The following TIAM1 variants were observed in gnomAD, a reference collection of about 807,000 sequenced individuals.
TIAM1 encodes rho guanine nucleotide exchange factor TIAM1.
In TIAM1, 65 loss-of-function variants were observed where a neutral mutation model predicts 163.5. The ratio of observed to expected loss-of-function variants is 0.40; its 90% CI spans 0.33 to 0.49. TIAM1 has a LOEUF of 0.49. Ranked by LOEUF, TIAM1 falls within the 20% of genes least tolerant of loss-of-function variation. The pLI is 0.77. For missense variants in TIAM1, 1,789 were observed against 2,044.7 expected (o/e 0.87, Z 2.41); for synonymous variants, 833 against 810.1 (o/e 1.03, Z -0.48).
At chr21:31,244,967 A>T (rs56133824) in intron 6 of TIAM1, among the ~76,000 whole-genome samples, 2,080 of 152,208 alleles carry the variant, frequency 0.014, 30 homozygotes, top group African/African-American at 0.038. Flanking sequence ...TATTTTTTTT[A>T]AAAAATGTTG....
intron 2 of TIAM1, among the ~76,000 whole-genome samples, chr21:31,442,070 A>AT (rs2044441960): frequency 5.6e-5 from 3 of 53,230 alleles, no homozygotes; most frequent in East Asian, 6.1e-4. Flanking sequence ...CAAATAAATA[A>AT]ATATATATAT....
chr21:31,325,027 C>G (rs1263510070), intron 2 of TIAM1, among the ~76,000 whole-genome samples: 1 of 152,004 alleles, frequency 6.6e-6, no homozygotes, highest in Non-Finnish European at 1.5e-5. Flanking sequence ...CACCTGTAAT[C>G]CCAGCACTTT....
chr21:31,367,153 G>A lies in TIAM1; in HGVS notation c.-368-27731C>T, dbSNP rs574695851. 9.9e-5 allele frequency among the ~76,000 whole-genome samples: 15 copies of A among 150,914 alleles called. 1 individual carries two copies. In the South Asian group the frequency reaches 2.9e-3, roughly 30 times the overall value. On this transcript the variant is annotated intron_variant, in intron 2 of 28. Coordinates refer to the TIAM1 transcript ENST00000286827. ...GAGAAGGAAGGAGGGAGGGAGGGAG[G>A]GAGAGAGGAAAGGAGGAAGTGAAGA... is the stretch of plus-strand genomic sequence containing the variant.
chr21:31,521,745 A>ACACACACACACACACAC (rs2047595411), intron 1 of TIAM1, among the ~76,000 whole-genome samples: 2 of 146,862 alleles, frequency 1.4e-5, no homozygotes, highest in South Asian at 2.2e-4. Flanking sequence ...CTCACACACA[A>ACACACACACACACACAC]ACACACACAC....
At chr21:31,209,442 A>G (rs1308159005) in intron 11 of TIAM1, among the ~76,000 whole-genome samples, 1 of 152,230 alleles carries the variant, frequency 6.6e-6, no homozygotes, top group Non-Finnish European at 1.5e-5. Flanking sequence ...GTGAAAGAGA[A>G]AAGGAGCTCA....
At chr21:31,144,598 C>T (rs977346149) in intron 20 of TIAM1, among the ~76,000 whole-genome samples, 2 of 152,016 alleles carry the variant, frequency 1.3e-5, no homozygotes, top group South Asian at 4.1e-4. Context: ...GAAGCCAAGG[C>T]GGGCAGATCA....
intron 10 of TIAM1, 91 bp from the exon 11 acceptor site, chr21:31,210,306 A>G: frequency 2.2e-6 from 3 of 1,390,106 alleles, no homozygotes; most frequent in Non-Finnish European, 3.0e-6. Flanking sequence ...ACCGATTCCC[A>G]TGAAAACAGC....
chr21:31,392,262 T>C (rs865819684), intron 2 of TIAM1, among the ~76,000 whole-genome samples: 1 of 152,160 alleles, frequency 6.6e-6, no homozygotes, highest in Non-Finnish European at 1.5e-5. Flanking sequence ...CTTGGTATTG[T>C]CTGCCTTGTT....
intron 23 of TIAM1, among the ~76,000 whole-genome samples, chr21:31,132,062 A>C (rs1666530070): frequency 6.6e-6 from 1 of 152,210 alleles, no homozygotes; most frequent in South Asian, 2.1e-4. Context: ...ACCCCAAGGA[A>C]TAGCCCAGTC....
At chr21:31,242,610 T>C (rs1048219804) in intron 6 of TIAM1, among the ~76,000 whole-genome samples, 2 of 152,162 alleles carry the variant, frequency 1.3e-5, no homozygotes, top group Non-Finnish European at 2.9e-5. Context: ...AGGAAACTTA[T>C]TGCTTCTGTA....
chr21:31,519,665 C>T (rs1482077490), intron 1 of TIAM1, among the ~76,000 whole-genome samples: 1 of 152,092 alleles, frequency 6.6e-6, no homozygotes, highest in Non-Finnish European at 1.5e-5. Flanking sequence ...CGTGCTTTGA[C>T]GCATGAACAG....
intron 4 of TIAM1, among the ~76,000 whole-genome samples, chr21:31,256,695 C>T (rs2072130018): frequency 1.3e-5 from 2 of 151,330 alleles, no homozygotes; most frequent in Admixed American, 6.6e-5. Context: ...TTGATAATCT[C>T]AGTACAGCAA....
At chr21:31,248,029 GGACAGAGCCTA>G (rs2071598493) in intron 5 of TIAM1, among the ~76,000 whole-genome samples, 1 of 152,148 alleles carries the variant, frequency 6.6e-6, no homozygotes, top group Non-Finnish European at 1.5e-5. Flanking sequence ...GGCATCTAGA[GGACAGAGCCTA>G]AAGAAGCTGT....
intron 9 of TIAM1, among the ~76,000 whole-genome samples, chr21:31,217,113 A>G (rs1056774563): frequency 3.3e-5 from 5 of 152,104 alleles, no homozygotes; most frequent in Admixed American, 3.3e-4. Flanking sequence ...AGGCTGAGGC[A>G]GAAGAATCAC....
chr21:31,391,120 G>A (rs546934272), intron 2 of TIAM1, among the ~76,000 whole-genome samples: 4 of 151,934 alleles, frequency 2.6e-5, no homozygotes, highest in Non-Finnish European at 2.9e-5. Flanking sequence ...TGCACTCATA[G>A]GCCCGAGGGC....
At chr21:31,137,594 T>C (rs1261430741) in intron 22 of TIAM1, among the ~76,000 whole-genome samples, 1 of 151,866 alleles carries the variant, frequency 6.6e-6, no homozygotes, top group Non-Finnish European at 1.5e-5. Context: ...TGGTAGACTG[T>C]CCAAACTCTA....
Position 31,252,092 on chromosome 21 carries a change from T to G in TIAM1, c.1061A>C (p.Asn354Thr), listed in dbSNP as rs771506998. 2 of 1,613,694 alleles carry G rather than the reference T, an allele frequency of 1.2e-6. No individual in the cohort carries two copies. The highest frequency in any genetic ancestry group is 1.3e-5 in the African/African-American group (1 of 74,944). The change falls in exon 5 of 28, where the codon AAC (asparagine) becomes ACC (threonine). Residue 354 changes from asparagine to threonine, a missense_variant. This residue lies in a region of TIAM1 where 555 missense variants were observed against 564.9 expected (regional missense o/e 0.98). Coordinates refer to ENST00000541036, the MANE Select transcript of TIAM1 (RefSeq NM_001353694.2). ...GCCTGTGGTGGGTGAGTAGCTGGAG[T>G]TGGTGGCATTAGATCGCCTGGACAG... ...DLLSRRSNAT[N>T]SSYSPTTGRA...
At chr21:31,437,187 T>C (rs1205299118) in intron 2 of TIAM1, among the ~76,000 whole-genome samples, 8 of 152,192 alleles carry the variant, frequency 5.3e-5, no homozygotes, top group Admixed American at 5.2e-4. Context: ...ACATAGTTAT[T>C]GATCTAATTT....
At chr21:31,359,420 C>A (rs925407460) in intron 2 of TIAM1, among the ~76,000 whole-genome samples, 1 of 152,006 alleles carries the variant, frequency 6.6e-6, no homozygotes, top group African/African-American at 2.4e-5. Flanking sequence ...ATTTGCTCTT[C>A]ACAAGATTAG....
Sources: allele counts gnomAD v4.1 joint callset (sites outside exome capture counted in the v4.1 genomes callset), GRCh38; gene constraint gnomAD v4.1.1; regional missense constraint gnomAD v4.1.1; transcripts MANE v1.5; gene names NCBI Gene and HGNC (gene_info 2026-07-23, HGNC 2026-07-21).